The following FOXN3 variants were observed in gnomAD, a reference collection of about 807,000 sequenced individuals.
The protein encoded by FOXN3 is forkhead box protein N3.
In FOXN3, 7 loss-of-function variants were observed where a neutral mutation model predicts 38.4. That is an observed-to-expected ratio of 0.18 (90% CI 0.10 to 0.34). The LOEUF (loss-of-function observed/expected upper bound fraction) is 0.34. Ranked by LOEUF, FOXN3 falls within the 10% of genes least tolerant of loss-of-function variation. The probability of loss-of-function intolerance (pLI) is 1.00; values close to 1 mark genes in which losing one functional copy is unlikely to be tolerated. For missense variants in FOXN3, 456 were observed against 613.4 expected, an observed-to-expected ratio of 0.74 and a Z score of 2.71; for synonymous variants, 230 against 242.2, an observed-to-expected ratio of 0.95 and a Z score of 0.47.
At chr14:89,519,190 C>T (rs189609376) in intron 1 of FOXN3, among the ~76,000 whole-genome samples, 226 of 152,224 alleles carry the variant, frequency 1.5e-3, no homozygotes, top group Non-Finnish European at 2.3e-3. Context: ...CAGATGCCTG[C>T]GGTAGCACAG....
chr14:89,175,552 T>A (rs1887498872), intron 5 of FOXN3, among the ~76,000 whole-genome samples: 1 of 152,190 alleles, frequency 6.6e-6, no homozygotes, highest in African/African-American at 2.4e-5. Context: ...GCTGACTATG[T>A]GCTGGGCACA....
At chr14:89,523,727 G>A (rs1287321) in intron 1 of FOXN3, among the ~76,000 whole-genome samples, 59,102 of 151,812 alleles carry the variant, frequency 0.39, 11,930 homozygotes, top group East Asian at 0.61. Context: ...ATCTGTATTC[G>A]AAAAGAAAGG....
At chr14:89,220,649 G>C (rs1409934419) in intron 4 of FOXN3, among the ~76,000 whole-genome samples, 1 of 152,158 alleles carries the variant, frequency 6.6e-6, no homozygotes, top group African/African-American at 2.4e-5. Flanking sequence ...CTGTGGTAAA[G>C]ATGTCTGATC....
At chr14:89,414,636 C>T (rs1251579156) in intron 1 of FOXN3, among the ~76,000 whole-genome samples, 1 of 151,812 alleles carries the variant, frequency 6.6e-6, no homozygotes, top group East Asian at 1.9e-4. Flanking sequence ...TCACTGCAAC[C>T]CCTGCCTCCC....
intron 2 of FOXN3, among the ~76,000 whole-genome samples, chr14:89,370,606 A>G (rs1315963784): frequency 6.6e-6 from 1 of 152,244 alleles, no homozygotes; most frequent in African/African-American, 2.4e-5. Context: ...AGGTTCTTCA[A>G]AGTGTGTGCT....
intron 1 of FOXN3, among the ~76,000 whole-genome samples, chr14:89,556,878 T>G (rs74079992): frequency 0.033 from 5,009 of 152,170 alleles, 257 homozygotes; most frequent in African/African-American, 0.11. Flanking sequence ...TGCTCTGCAT[T>G]GTGGAGTGAC....
At chr14:89,315,562 G>T (rs1201813779) in intron 3 of FOXN3, among the ~76,000 whole-genome samples, 1 of 152,104 alleles carries the variant, frequency 6.6e-6, no homozygotes, top group East Asian at 1.9e-4. Flanking sequence ...TCAGAATGTT[G>T]TCCACAGCAC....
intron 3 of FOXN3, among the ~76,000 whole-genome samples, chr14:89,341,892 C>G (rs74078102): frequency 1.3e-5 from 2 of 152,162 alleles, no homozygotes; most frequent in Non-Finnish European, 2.9e-5. Context: ...CCTAAGGCGT[C>G]GCTGTGCTCA....
intron 1 of FOXN3, among the ~76,000 whole-genome samples, chr14:89,549,597 C>G (rs1477537717): frequency 6.6e-6 from 1 of 151,738 alleles, no homozygotes; most frequent in Non-Finnish European, 1.5e-5. Context: ...AAATCTTATA[C>G]TAGTCCAAGG....
rs1309868969 is a variant in FOXN3, at chr14:89,360,756, ACCT to A, written c.544-9951_544-9949del. ...CACCTCCAGCACCACCTCCACCACCACCTCCACCACTACCACCTCCACCACCAC... is the reference window on the plus strand; with the variant it reads ...CACCTCCAGCACCACCTCCACCACCACCACCACTACCACCTCCACCACCAC... On this transcript the variant is annotated intron_variant, in intron 2 of 5. Transcript: ENST00000557258. Among the ~76,000 whole-genome samples the A allele has an allele frequency of 2.7e-3, 269 of 100,382 alleles. 9 individuals are homozygous for A. The highest frequency in any genetic ancestry group is 4.9e-3 in the Middle Eastern group (1 of 204). The allele number at this position is 100,382 out of a possible 152,430, so 65.9% of individuals were successfully genotyped here.
At chr14:89,297,824 A>AT (rs773198982) in intron 3 of FOXN3, among the ~76,000 whole-genome samples, 5 of 150,446 alleles carry the variant, frequency 3.3e-5, no homozygotes, top group Non-Finnish European at 5.9e-5. Flanking sequence ...CAAAAAAAAA[A>AT]TTTTTTTTTA....
chr14:89,573,715 C>T (rs1301958747), intron 1 of FOXN3, among the ~76,000 whole-genome samples: 1 of 152,210 alleles, frequency 6.6e-6, no homozygotes, highest in Non-Finnish European at 1.5e-5. Flanking sequence ...TATACAAGTA[C>T]TGGGGACAAC....
chr14:89,194,544 T>TTC (rs1888046757), intron 4 of FOXN3, among the ~76,000 whole-genome samples: 1 of 152,092 alleles, frequency 6.6e-6, no homozygotes, highest in African/African-American at 2.4e-5. Flanking sequence ...TCATATGCCT[T>TTC]TCTCCTTGTC....
chr14:89,319,281 T>C (rs1439492720), intron 3 of FOXN3, among the ~76,000 whole-genome samples: 1 of 152,090 alleles, frequency 6.6e-6, no homozygotes, highest in Non-Finnish European at 1.5e-5. Flanking sequence ...ATGGCTATGA[T>C]TTATTTCAGC....
chr14:89,475,912 G>C (rs1311932852), intron 1 of FOXN3, among the ~76,000 whole-genome samples: 2 of 152,112 alleles, frequency 1.3e-5, no homozygotes, highest in Non-Finnish European at 2.9e-5. Context: ...AACAACACAG[G>C]GAAAATCTAT....
chr14:89,328,166 T>G (rs1888130803), intron 3 of FOXN3, among the ~76,000 whole-genome samples: 1 of 152,244 alleles, frequency 6.6e-6, no homozygotes, highest in African/African-American at 2.4e-5. Context: ...TACAAGTCCA[T>G]CTTTCTAACT....
chr14:89,244,533 G>A (rs932760391), intron 4 of FOXN3, among the ~76,000 whole-genome samples: 5 of 152,100 alleles, frequency 3.3e-5, no homozygotes, highest in Non-Finnish European at 7.3e-5. Context: ...ATAGGTTCTG[G>A]GCATATGCTA....
At chr14:89,401,696 G>A (rs1435888633) in intron 2 of FOXN3, 23 of 455,456 alleles carry the variant, frequency 5.0e-5, no homozygotes, top group Non-Finnish European at 7.5e-5. Flanking sequence ...ATGTGCACAT[G>A]TTCTGCTAGG....
At chr14:89,462,015 T>C (rs1892859546) in intron 1 of FOXN3, among the ~76,000 whole-genome samples, 2 of 152,226 alleles carry the variant, frequency 1.3e-5, no homozygotes, top group Admixed American at 1.3e-4. Flanking sequence ...TATCGACTTT[T>C]GCATTAATAA....
Sources: gnomAD v4.1 joint callset for allele counts (sites outside exome capture counted in the v4.1 genomes callset) on GRCh38, gnomAD v4.1.1 for gene constraint, MANE v1.5 for transcripts, NCBI Gene and HGNC (gene_info 2026-07-23, HGNC 2026-07-21) for gene names.